DOCK7: variants seen among roughly 807,000 people sequenced by gnomAD.
The protein encoded by DOCK7 is dedicator of cytokinesis 7, also known as dedicator of cytokinesis protein 7.
A neutral mutation model predicts 271.0 loss-of-function variants in DOCK7; 138 were observed. The observed-to-expected ratio is 0.51, with a 90% CI of 0.44 to 0.59. The LOEUF (loss-of-function observed/expected upper bound fraction) is 0.59. Among genes scored for constraint, DOCK7 ranks in the 20% least tolerant of loss-of-function variants. The pLI is 0.00. For synonymous variants in DOCK7, 823 were observed against 876.1 expected (o/e 0.94, Z 1.07); for missense variants, 2,066 against 2,592.4 (o/e 0.80, Z 4.41).
chr1:62,683,527 C>G (rs72915127), intron 1 of DOCK7, among the ~76,000 whole-genome samples: 5,343 of 152,192 alleles, frequency 0.035, 323 homozygotes, highest in African/African-American at 0.12. Flanking sequence ...CAAAAGGATA[C>G]CCGGTTAACA....
intron 39 of DOCK7, chr1:62,495,291 C>T (rs542371806): frequency 5.9e-4 from 113 of 190,028 alleles, no homozygotes; most frequent in African/African-American, 2.6e-3. Context: ...TTCAATCTAC[C>T]ATTAGAAAAA....
intron 48 of DOCK7, among the ~76,000 whole-genome samples, chr1:62,470,093 A>G (rs1645788718): frequency 6.6e-6 from 1 of 152,212 alleles, no homozygotes; most frequent in Non-Finnish European, 1.5e-5. Flanking sequence ...AAAAGAAGTC[A>G]TTTCATGAAA....
At position 62,508,025 on chromosome 1, in the gene DOCK7, A is replaced by C. The variant is rs780715862; in HGVS notation, c.4413T>G (p.Ile1471Met). The C allele has an allele frequency of 1.2e-6, 2 of 1,612,980 alleles. No homozygotes were observed. Among genetic ancestry groups the C allele is most frequent in the Non-Finnish European group, 1.7e-6 (2 of 1,179,720 alleles). The change falls in exon 35 of 50, where the codon ATT (isoleucine) becomes ATG (methionine). Residue 1471 changes from isoleucine to methionine, a missense_variant. Coordinates refer to ENST00000635253, the MANE Select transcript of DOCK7 (RefSeq NM_001367561.1). Reference protein sequence around the residue: ...SRAEIEHEALIDGNLATEANL... With the variant: ...SRAEIEHEALMDGNLATEANL... ...TTGCTTCTGTAGCCAGGTTTCCATC[A>C]ATCAGTGCTTCGTGTTCAATCTCTG...
chr1:62,499,988 A>C (rs942987580), intron 37 of DOCK7, among the ~76,000 whole-genome samples: 4 of 152,052 alleles, frequency 2.6e-5, no homozygotes, highest in African/African-American at 9.7e-5. Context: ...GAGATGGATC[A>C]TCCAGAAAGT....
At chr1:62,688,204 C>T (rs1662067388) in intron 1 of DOCK7, 23 bp downstream of exon 1, 1 of 1,368,970 alleles carries the variant, frequency 7.3e-7, no homozygotes, top group South Asian at 1.7e-5. Flanking sequence ...GCGGCGGCGG[C>T]GCGCCCCACG....
intron 31 of DOCK7, among the ~76,000 whole-genome samples, 199 bp from the exon 32 acceptor site, chr1:62,514,097 C>T (rs1004272523): frequency 6.6e-6 from 1 of 152,276 alleles, no homozygotes; most frequent in African/African-American, 2.4e-5. Flanking sequence ...GTTTAATGAA[C>T]CTTTCCTGAT....
chr1:62,556,431 AAG>A (rs1335387186), intron 20 of DOCK7, among the ~76,000 whole-genome samples: 2 of 151,988 alleles, frequency 1.3e-5, no homozygotes, highest in Admixed American at 6.6e-5. Context: ...TCAATAATAA[AAG>A]AGATTATTGA....
chr1:62,552,120 C>T (rs1017181463), intron 22 of DOCK7, among the ~76,000 whole-genome samples: 2 of 151,696 alleles, frequency 1.3e-5, no homozygotes, highest in African/African-American at 4.8e-5. Flanking sequence ...ATAAATAATG[C>T]TACGTACTAC....
intron 4 of DOCK7, among the ~76,000 whole-genome samples, chr1:62,651,475 A>G (rs114995041): frequency 0.035 from 5,243 of 148,758 alleles, 241 homozygotes; most frequent in African/African-American, 0.1. Flanking sequence ...AAAAAAAAGA[A>G]AAGTTTATCG....
chr1:62,557,288 G>C (rs1042746419), intron 20 of DOCK7, among the ~76,000 whole-genome samples: 1 of 151,044 alleles, frequency 6.6e-6, no homozygotes, highest in African/African-American at 2.5e-5. Flanking sequence ...TCCTATGTAA[G>C]AGTGATCTAT....
rs1370383493 is a variant in DOCK7, at chr1:62,586,494, G to T, written c.1800+13C>A. On this transcript the variant is annotated intron_variant, in intron 15 of 49. Coordinates refer to ENST00000635253, the MANE Select transcript of DOCK7 (RefSeq NM_001367561.1). ...AATACAAAAAATTAGAAAAGTAAAA[G>T]AACATTTCTTACCGGCATGGCATTG... 2 of 1,555,492 alleles carry T rather than the reference G, an allele frequency of 1.3e-6. No homozygotes were observed. The highest frequency in any genetic ancestry group is 1.9e-5 in the Admixed American group (1 of 53,994).
chr1:62,485,561 A>C lies in DOCK7; in HGVS notation c.5508+1837T>G, dbSNP rs577833779. On this transcript the variant is annotated intron_variant, in intron 43 of 49. Transcript: ENST00000635253. ...AATCCAGTGAAAGATCTACCAGAAT[A>C]CTAGAAAATTAGCTAGGAAACATTG... 91 of 985,464 alleles carry C rather than the reference A, an allele frequency of 9.2e-5. No individual in the cohort carries two copies. The African/African-American group carries it at 1.3e-3, about 14-fold the overall frequency. 61.0% of individuals were successfully genotyped at this position (985,464 alleles called of 1,614,324 possible).
chr1:62,626,361 G>C (rs987938916), intron 11 of DOCK7, among the ~76,000 whole-genome samples: 2 of 151,736 alleles, frequency 1.3e-5, no homozygotes, highest in Non-Finnish European at 2.9e-5. Flanking sequence ...ACCAGCAGAA[G>C]GCTACAAGAG....
chr1:62,525,682 C>T (rs1194453792), intron 31 of DOCK7, among the ~76,000 whole-genome samples: 2 of 152,136 alleles, frequency 1.3e-5, no homozygotes, highest in Non-Finnish European at 1.5e-5. Flanking sequence ...AGTGGATATG[C>T]TGCTGTTTAT....
Position 62,625,385 on chromosome 1 carries a change from C to G in DOCK7, c.1299G>C (p.Trp433Cys). ...EISTGERKGS[W>C]SERRNSSIVG... Reference sequence around the variant, plus strand: ...CAATACTAGAATTCCTCCTCTCTGACCAAGACCCTTTTCGTTCTACAAAAG... The same window carrying G: ...CAATACTAGAATTCCTCCTCTCTGAGCAAGACCCTTTTCGTTCTACAAAAG... Residue 433 changes from tryptophan to cysteine, a missense_variant, in exon 12 of 50, where the codon TGG (tryptophan) becomes TGC (cysteine). By Grantham distance (215) the Trp-to-Cys change is radical. Around this residue, in one of 2 missense-constraint regions of DOCK7, gnomAD observed 1,414 missense variants for 1,670.4 expected, o/e 0.85. Coordinates refer to ENST00000635253, the MANE Select transcript of DOCK7 (RefSeq NM_001367561.1). 6.2e-7 allele frequency: 1 copy of G among 1,605,418 alleles called. No individual in the cohort carries two copies. The highest frequency in any genetic ancestry group is 8.5e-7 in the Non-Finnish European group (1 of 1,177,102).
intron 10 of DOCK7, among the ~76,000 whole-genome samples, chr1:62,633,018 A>G (rs1654814516): frequency 6.6e-6 from 1 of 152,152 alleles, no homozygotes; most frequent in Non-Finnish European, 1.5e-5. Flanking sequence ...CTGATGGCAA[A>G]AAAAGGCTGT....
chr1:62,602,742 T>A (rs1385730407), intron 14 of DOCK7, among the ~76,000 whole-genome samples: 2 of 151,554 alleles, frequency 1.3e-5, no homozygotes, highest in Admixed American at 6.6e-5. Context: ...CATTAGTCAC[T>A]CTATTCTCTC....
intron 13 of DOCK7, 70 bp from the exon 14 acceptor site, chr1:62,618,938 G>T: frequency 1.4e-6 from 2 of 1,401,450 alleles, no homozygotes; most frequent in Non-Finnish European, 2.0e-6. Flanking sequence ...TTTTTTAAAG[G>T]ACTTGGATCC....
At chr1:62,542,530 C>G (rs983874031) in intron 25 of DOCK7, 78 bp downstream of exon 25, 4 of 1,397,246 alleles carry the variant, frequency 2.9e-6, no homozygotes, top group Non-Finnish European at 3.9e-6. Flanking sequence ...AAAAAGATTT[C>G]TAAGGTAACA....
Sources: allele counts gnomAD v4.1 joint callset (sites outside exome capture counted in the v4.1 genomes callset), GRCh38; gene constraint gnomAD v4.1.1; regional missense constraint gnomAD v4.1.1; transcripts MANE v1.5; gene names NCBI Gene and HGNC (gene_info 2026-07-23, HGNC 2026-07-21).